The following FOXO3 variants were observed in gnomAD, a reference collection of about 807,000 sequenced individuals.
The protein encoded by FOXO3 is forkhead box protein O3.
Under a neutral mutation model 41.9 loss-of-function variants are expected in FOXO3, and 4 were observed. That is an observed-to-expected ratio of 0.10 (90% CI 0.05 to 0.22). The LOEUF (loss-of-function observed/expected upper bound fraction) is 0.22, where lower values mean the gene tolerates loss of function less well. Ranked by LOEUF, FOXO3 falls within the 10% of genes least tolerant of loss-of-function variation. FOXO3 has a pLI of 1.00. For synonymous variants in FOXO3, 318 were observed against 389.3 expected (o/e 0.82, Z 2.16); for missense variants, 534 against 906.8 (o/e 0.59, Z 5.28).
chr6:108,590,885 A>T (rs1776715970), intron 1 of FOXO3, among the ~76,000 whole-genome samples: 1 of 152,118 alleles, frequency 6.6e-6, no homozygotes, highest in Non-Finnish European at 1.5e-5. Context: ...CAGATTGGAG[A>T]TAACGTTAGA....
chr6:108,663,845 G>A lies in FOXO3; in HGVS notation c.1012G>A (p.Asp338Asn), dbSNP rs1318936689. 21 of 1,613,798 alleles carry A rather than the reference G, an allele frequency of 1.3e-5. No homozygotes were observed. The highest frequency in any genetic ancestry group is 1.6e-5 in the Non-Finnish European group (19 of 1,179,824). Reference sequence around the variant, plus strand: ...AAGCACAGAGTTGGATGAAGTCCAGGACGATGATGCGCCTCTCTCGCCCAT... The same window carrying A: ...AAGCACAGAGTTGGATGAAGTCCAGAACGATGATGCGCCTCTCTCGCCCAT... ...MASTELDEVQ[D>N]DDAPLSPMLY... Residue 338 changes from aspartate (D) to asparagine (N), a missense_variant, in exon 2 of 3, where the codon GAC becomes AAC. Physicochemically the swap from Asp to Asn is conservative, Grantham distance 23. This residue lies in a region of FOXO3 where 185 missense variants were observed against 224.9 expected (regional missense o/e 0.82). Coordinates refer to ENST00000406360, the MANE Select transcript of FOXO3 (RefSeq NM_001455.4).
intron 1 of FOXO3, among the ~76,000 whole-genome samples, chr6:108,611,368 T>C (rs1249880868): frequency 6.6e-6 from 1 of 152,242 alleles, no homozygotes; most frequent in Non-Finnish European, 1.5e-5. Context: ...TTCATGTATT[T>C]GTGATAAATG....
intron 2 of FOXO3, among the ~76,000 whole-genome samples, chr6:108,678,458 C>T (rs1381642037): frequency 6.6e-6 from 1 of 151,474 alleles, no homozygotes. Context: ...TGTCATGTCA[C>T]GTCCTTTTGC....
chr6:108,674,698 C>T (rs1475028306), intron 2 of FOXO3, among the ~76,000 whole-genome samples: 1 of 152,118 alleles, frequency 6.6e-6, no homozygotes, highest in East Asian at 1.9e-4. Context: ...TTGAACCTGA[C>T]CCATCGGACA....
chr6:108,624,795 T>C (rs1777764512), intron 1 of FOXO3, among the ~76,000 whole-genome samples: 1 of 152,174 alleles, frequency 6.6e-6, no homozygotes, highest in Non-Finnish European at 1.5e-5. Context: ...TTGCAGTTGT[T>C]TAACTTTTTT....
At chr6:108,624,650 G>A (rs944960857) in intron 1 of FOXO3, among the ~76,000 whole-genome samples, 2 of 152,072 alleles carry the variant, frequency 1.3e-5, no homozygotes, top group African/African-American at 4.8e-5. Context: ...CTTTGGTGAA[G>A]CTTTAGATAT....
At chr6:108,665,858 G>T (rs1178999077) in intron 2 of FOXO3, among the ~76,000 whole-genome samples, 1 of 150,274 alleles carries the variant, frequency 6.7e-6, no homozygotes, top group Non-Finnish European at 1.5e-5. Flanking sequence ...AAACACAGGT[G>T]TTTGTATGAG....
chr6:108,675,900 C>T (rs185101118), intron 2 of FOXO3, among the ~76,000 whole-genome samples: 1 of 152,232 alleles, frequency 6.6e-6, no homozygotes, highest in Non-Finnish European at 1.5e-5. Flanking sequence ...GCAGTAGGAA[C>T]ATTTATGTTT....
At chr6:108,651,833 G>A (rs1778554875) in intron 1 of FOXO3, among the ~76,000 whole-genome samples, 1 of 152,190 alleles carries the variant, frequency 6.6e-6, no homozygotes, top group African/African-American at 2.4e-5. Context: ...TTTTGATTGA[G>A]GTTAAACAGA....
intron 1 of FOXO3, among the ~76,000 whole-genome samples, chr6:108,647,886 G>A (rs1343276730): frequency 1.3e-5 from 2 of 152,182 alleles, no homozygotes; most frequent in Non-Finnish European, 2.9e-5. Context: ...GTCTATAAAT[G>A]TCATCGTATG....
intron 1 of FOXO3, among the ~76,000 whole-genome samples, chr6:108,657,733 G>A (rs1160305731): frequency 6.6e-6 from 1 of 152,178 alleles, no homozygotes; most frequent in African/African-American, 2.4e-5. Flanking sequence ...TGAGGTGGCA[G>A]GAGGGACATT....
chr6:108,576,478 A>G (rs532807381), intron 1 of FOXO3, among the ~76,000 whole-genome samples: 10 of 152,356 alleles, frequency 6.6e-5, no homozygotes, highest in African/African-American at 2.4e-4. Flanking sequence ...CTGAATAAGC[A>G]AGGTGCCATG....
intron 1 of FOXO3, among the ~76,000 whole-genome samples, chr6:108,594,267 G>A (rs774676496): frequency 1.3e-5 from 2 of 152,122 alleles, no homozygotes; most frequent in African/African-American, 2.4e-5. Flanking sequence ...AGATGAAAAC[G>A]GGTTAATAAC....
chr6:108,611,104 G>A (rs1383143388), intron 1 of FOXO3, among the ~76,000 whole-genome samples: 1 of 151,860 alleles, frequency 6.6e-6, no homozygotes, highest in Non-Finnish European at 1.5e-5. Context: ...AGTCATTACT[G>A]TATGTAGCCC....
In FOXO3 at chr6:108,680,781, T is replaced by G. The variant is rs1329135942; in HGVS notation, c.*989T>G. The stretch of plus-strand genomic sequence containing the variant: ...AAAAAAAAAACAAAAAAGTCCTGTT[T>G]TGCTTTGCAGAACAAATGAACTTAC... On this transcript the variant is annotated 3_prime_UTR_variant, in exon 3 of 3. Transcript: ENST00000406360. The G allele has an allele frequency of 1.3e-5, 2 of 152,076 alleles. No individual in the cohort carries two copies. The highest frequency in any genetic ancestry group is 4.8e-5 in the African/African-American group (2 of 41,390). 9.4% of individuals were successfully genotyped at this position (152,076 alleles called of 1,614,324 possible).
intron 1 of FOXO3, among the ~76,000 whole-genome samples, chr6:108,625,469 A>G (rs982777393): frequency 5.3e-5 from 8 of 152,242 alleles, no homozygotes; most frequent in African/African-American, 1.7e-4. Context: ...GTGCATTCAC[A>G]TATCTCATAT....
At chr6:108,611,098 A>G (rs1777350969) in intron 1 of FOXO3, among the ~76,000 whole-genome samples, 1 of 151,988 alleles carries the variant, frequency 6.6e-6, no homozygotes, top group Non-Finnish European at 1.5e-5. Context: ...ATGTAGAGTC[A>G]TTACTGTATG....
At chr6:108,607,877 C>T (rs1174233061) in intron 1 of FOXO3, among the ~76,000 whole-genome samples, 2 of 152,182 alleles carry the variant, frequency 1.3e-5, no homozygotes, top group East Asian at 3.8e-4. Context: ...TAAAATCCCC[C>T]TGCCTAAAGG....
upstream of FOXO3, among the ~76,000 whole-genome samples, chr6:108,560,431 TTC>T (rs1312750661): frequency 6.6e-6 from 1 of 151,966 alleles, no homozygotes; most frequent in Non-Finnish European, 1.5e-5. Flanking sequence ...TCCCCCTTCT[TTC>T]TGTCTTTCCT....
Sources: allele counts gnomAD v4.1 joint callset (sites outside exome capture counted in the v4.1 genomes callset), GRCh38; gene constraint gnomAD v4.1.1; regional missense constraint gnomAD v4.1.1; transcripts MANE v1.5; gene names NCBI Gene and HGNC (gene_info 2026-07-23, HGNC 2026-07-21).